PRKN: variants seen among roughly 807,000 people sequenced by gnomAD.
PRKN encodes the protein E3 ubiquitin-protein ligase parkin.
Under a neutral mutation model 59.5 loss-of-function variants are expected in PRKN, and 56 were observed. The observed-to-expected ratio is 0.94, with a 90% CI of 0.76 to 1.18. PRKN has a LOEUF of 1.18. PRKN is among the 50% of genes most tolerant of loss of function. The probability of loss-of-function intolerance (pLI) is 0.00; values close to 1 mark genes in which losing one functional copy is unlikely to be tolerated. For synonymous variants in PRKN, 250 were observed against 222.1 expected, an observed-to-expected ratio of 1.13 and a Z score of -1.12; for missense variants, 657 against 596.4, an observed-to-expected ratio of 1.10 and a Z score of -1.06.
At chr6:162,595,158 A>G (rs190720073) in intron 1 of PRKN, among the ~76,000 whole-genome samples, 249 of 152,324 alleles carry the variant, frequency 1.6e-3, no homozygotes, top group East Asian at 0.01. Flanking sequence ...TGGGTAACAG[A>G]GCGAGATTCT....
At chr6:161,964,506 C>G (rs777399677) in intron 6 of PRKN, among the ~76,000 whole-genome samples, 6 of 151,940 alleles carry the variant, frequency 3.9e-5, no homozygotes, top group African/African-American at 9.7e-5. Flanking sequence ...TGTGAAGTAG[C>G]CTGCTTCAAG....
At chr6:162,427,828 T>G (rs1000167779) in intron 2 of PRKN, among the ~76,000 whole-genome samples, 3 of 152,154 alleles carry the variant, frequency 2.0e-5, no homozygotes, top group South Asian at 4.2e-4. Context: ...TGCATTTTTT[T>G]TAGTTGAGAC....
intron 4 of PRKN, among the ~76,000 whole-genome samples, chr6:162,086,119 T>C (rs938184982): frequency 1.3e-5 from 2 of 152,194 alleles, no homozygotes; most frequent in African/African-American, 4.8e-5. Context: ...GCCCTTTTCT[T>C]TTAATAAAAA....
intron 1 of PRKN, among the ~76,000 whole-genome samples, chr6:162,644,398 T>A (rs1664507701): frequency 6.6e-6 from 1 of 152,162 alleles, no homozygotes. Context: ...GATTCTGTCT[T>A]ATACTCAGTA....
At chr6:162,168,755 T>C (rs192524741) in intron 4 of PRKN, among the ~76,000 whole-genome samples, 20 of 152,120 alleles carry the variant, frequency 1.3e-4, no homozygotes, top group Middle Eastern at 3.4e-3. Flanking sequence ...GTACAATCAT[T>C]GTACACTGAA....
chr6:161,751,762 A>T (rs1243231912), intron 7 of PRKN, among the ~76,000 whole-genome samples: 2 of 152,210 alleles, frequency 1.3e-5, no homozygotes, highest in Non-Finnish European at 2.9e-5. Flanking sequence ...AGTATCGCAA[A>T]TTATTACGTG....
chr6:161,648,250 T>C (rs1423914433), intron 7 of PRKN, among the ~76,000 whole-genome samples: 1 of 152,246 alleles, frequency 6.6e-6, no homozygotes, highest in African/African-American at 2.4e-5. Context: ...CATTTTCATA[T>C]TCTGAAAGTG....
chr6:161,658,030 A>AAGAAAAAAAAG (rs1554289233), intron 7 of PRKN, among the ~76,000 whole-genome samples: 3 of 104,880 alleles, frequency 2.9e-5, no homozygotes, highest in East Asian at 3.2e-4. Context: ...AAAAAAAAAA[A>AAGAAAAAAAAG]AAAAGAAAAG....
At chr6:161,722,462 T>C (rs901699563) in intron 7 of PRKN, among the ~76,000 whole-genome samples, 1 of 152,324 alleles carries the variant, frequency 6.6e-6, no homozygotes, top group African/African-American at 2.4e-5. Flanking sequence ...TTGTTTCCAC[T>C]TTGTCACAGC....
intron 1 of PRKN, among the ~76,000 whole-genome samples, chr6:162,678,064 T>C (rs932776778): frequency 3.3e-5 from 5 of 152,226 alleles, no homozygotes; most frequent in Non-Finnish European, 7.3e-5. Flanking sequence ...ACAGTTTATA[T>C]TCTTTTGTCT....
At position 162,119,190 on chromosome 6, in the gene PRKN, A is replaced by G. The variant is rs962662075; in HGVS notation, c.535-65016T>C. Among the ~76,000 whole-genome samples the G allele has an allele frequency of 2.0e-5, 3 of 152,324 alleles. 1 individual carries two copies. The South Asian group carries it at 6.2e-4, about 32-fold the overall frequency. ...CTTAGAAAGGAAGTGAAGATACCTT[A>G]TTAGTTATGAGAAAATATGACAGAC... is the stretch of plus-strand genomic sequence containing the variant. On this transcript the variant is annotated intron_variant, in intron 4 of 11. Coordinates refer to ENST00000366898, the MANE Select transcript of PRKN (RefSeq NM_004562.3).
At chr6:161,798,716 T>C (rs1009088725) in intron 6 of PRKN, among the ~76,000 whole-genome samples, 1 of 152,204 alleles carries the variant, frequency 6.6e-6, no homozygotes. Context: ...AAAAGATGTT[T>C]TGGTGTTAAA....
At chr6:161,464,310 AG>A (rs1790344845) in intron 9 of PRKN, among the ~76,000 whole-genome samples, 1 of 152,178 alleles carries the variant, frequency 6.6e-6, no homozygotes, top group Non-Finnish European at 1.5e-5. Context: ...CACCATGCCC[AG>A]CTGGTACTTT....
At chr6:162,051,632 C>T (rs1777648213) in intron 5 of PRKN, among the ~76,000 whole-genome samples, 1 of 152,108 alleles carries the variant, frequency 6.6e-6, no homozygotes, top group Admixed American at 6.5e-5. Context: ...GTGAGGCCTT[C>T]GGGGGCGATG....
intron 1 of PRKN, among the ~76,000 whole-genome samples, chr6:162,680,135 G>A (rs1401607882): frequency 6.7e-6 from 1 of 150,274 alleles, no homozygotes; most frequent in Non-Finnish European, 1.5e-5. Context: ...ATATTATTAA[G>A]TATAGATACA....
At chr6:162,189,470 T>C (rs551543730) in intron 4 of PRKN, among the ~76,000 whole-genome samples, 4 of 150,784 alleles carry the variant, frequency 2.7e-5, no homozygotes, top group South Asian at 2.2e-4. Context: ...TTCATTATCA[T>C]AGTCATTGTA....
At chr6:161,381,940 G>A (rs1021904271) in intron 10 of PRKN, among the ~76,000 whole-genome samples, 5 of 151,664 alleles carry the variant, frequency 3.3e-5, no homozygotes, top group African/African-American at 7.3e-5. Flanking sequence ...GTGAAACCCC[G>A]TCTCTACCAA....
At chr6:162,448,422 G>A (rs1179301098) in intron 1 of PRKN, among the ~76,000 whole-genome samples, 3 of 151,924 alleles carry the variant, frequency 2.0e-5, no homozygotes, top group Non-Finnish European at 4.4e-5. Context: ...ACTCTTCCGT[G>A]AGCCAACACT....
intron 5 of PRKN, among the ~76,000 whole-genome samples, chr6:161,994,251 A>G (rs577921956): frequency 1.3e-5 from 2 of 152,164 alleles, no homozygotes; most frequent in South Asian, 4.1e-4. Context: ...AGAAAAAAAA[A>G]AAAGAAAGTG....
Sources: allele counts gnomAD v4.1 joint callset (sites outside exome capture counted in the v4.1 genomes callset), GRCh38; gene constraint gnomAD v4.1.1; transcripts MANE v1.5; gene names NCBI Gene and HGNC (gene_info 2026-07-23, HGNC 2026-07-21).